MINDY3: variants seen among roughly 807,000 people sequenced by gnomAD.
The protein encoded by MINDY3 is ubiquitin carboxyl-terminal hydrolase MINDY-3.
In MINDY3, 38 loss-of-function variants were observed where a neutral mutation model predicts 69.2. That is an observed-to-expected ratio of 0.55 (90% CI 0.42 to 0.72). MINDY3 has a LOEUF of 0.72. Among genes scored for constraint, MINDY3 ranks in the 30% least tolerant of loss-of-function variants. MINDY3 has a pLI of 0.00. For missense variants in MINDY3, 522 were observed against 519.0 expected (o/e 1.01, Z -0.06); for synonymous variants, 192 against 180.1 (o/e 1.07, Z -0.53).
At chr10:15,821,536 A>G (rs370653091) in intron 9 of MINDY3, 120 bp downstream of exon 9, 56 of 653,676 alleles carry the variant, frequency 8.6e-5, no homozygotes, top group East Asian at 6.7e-4. Context: ...AGGAAGGAAG[A>G]AGAGAGCGGT....
At chr10:15,821,824 C>A in intron 8 of MINDY3, 98 bp from the exon 9 acceptor site, 1 of 905,490 alleles carries the variant, frequency 1.1e-6, no homozygotes, top group Non-Finnish European at 1.7e-6. Flanking sequence ...ATTTATACTA[C>A]ACCAAAACTT....
intron 13 of MINDY3, among the ~76,000 whole-genome samples, chr10:15,782,930 C>A (rs1436054487): frequency 6.6e-6 from 1 of 152,204 alleles, no homozygotes; most frequent in South Asian, 2.1e-4. Context: ...CTTAACCTGG[C>A]GTTCAAGGCC....
chr10:15,782,930 C>T (rs1436054487), intron 13 of MINDY3, among the ~76,000 whole-genome samples: 2 of 152,204 alleles, frequency 1.3e-5, no homozygotes. Flanking sequence ...CTTAACCTGG[C>T]GTTCAAGGCC....
intron 6 of MINDY3, 143 bp downstream of exon 6, chr10:15,837,061 A>T: frequency 1.8e-6 from 1 of 563,304 alleles, no homozygotes; most frequent in South Asian, 2.5e-5. Context: ...CTGAGGAAAC[A>T]GAAATTAACT....
intron 8 of MINDY3, among the ~76,000 whole-genome samples, chr10:15,827,487 G>A (rs1840169723): frequency 6.6e-6 from 1 of 151,958 alleles, no homozygotes. Context: ...AGGTTGCAGT[G>A]AGCCAGGATC....
intron 5 of MINDY3, chr10:15,837,884 C>T (rs1833195468): frequency 2.1e-6 from 2 of 940,802 alleles, no homozygotes; most frequent in Non-Finnish European, 1.3e-6. Flanking sequence ...AAAACAGATA[C>T]TGGCAAATAA....
At chr10:15,835,401 T>C (rs988257794) in intron 6 of MINDY3, among the ~76,000 whole-genome samples, 3 of 152,086 alleles carry the variant, frequency 2.0e-5, no homozygotes, top group African/African-American at 4.8e-5. Flanking sequence ...AGATGATTAA[T>C]TAACAACCAA....
At chr10:15,802,478 T>G (rs1384030312) in intron 10 of MINDY3, among the ~76,000 whole-genome samples, 2 of 151,968 alleles carry the variant, frequency 1.3e-5, no homozygotes, top group Admixed American at 1.3e-4. Flanking sequence ...TCCTGAGAAC[T>G]CACTATCAGA....
At chr10:15,830,053 C>G (rs928898353) in intron 8 of MINDY3, among the ~76,000 whole-genome samples, 2 of 152,140 alleles carry the variant, frequency 1.3e-5, no homozygotes, top group Non-Finnish European at 2.9e-5. Flanking sequence ...TCATTAGATA[C>G]ATGACAGTAA....
chr10:15,850,647 C>A (rs1434398814), intron 1 of MINDY3, among the ~76,000 whole-genome samples: 2 of 152,116 alleles, frequency 1.3e-5, no homozygotes, highest in African/African-American at 2.4e-5. Context: ...GCTCTCAAAC[C>A]CTGTCTCCTG....
At chr10:15,827,537 C>T (rs1051805859) in intron 8 of MINDY3, among the ~76,000 whole-genome samples, 54 of 141,258 alleles carry the variant, frequency 3.8e-4, no homozygotes, top group African/African-American at 1.2e-3. Flanking sequence ...AGTGAGACTC[C>T]GTCTCAATAA....
chr10:15,814,864 CACTA>C (rs905846300), intron 10 of MINDY3, among the ~76,000 whole-genome samples: 9 of 152,278 alleles, frequency 5.9e-5, no homozygotes, highest in African/African-American at 2.2e-4. Context: ...CCCTCAACAT[CACTA>C]ACTTTTTCAG....
At chr10:15,820,043 A>G (rs1839649634) in intron 9 of MINDY3, among the ~76,000 whole-genome samples, 1 of 152,228 alleles carries the variant, frequency 6.6e-6, no homozygotes, top group Admixed American at 6.5e-5. Flanking sequence ...CAGAGTCTAT[A>G]TTCCATTAGG....
intron 6 of MINDY3, 44 bp downstream of exon 6, chr10:15,837,160 A>C: frequency 8.8e-7 from 1 of 1,138,564 alleles, no homozygotes; most frequent in Non-Finnish European, 1.3e-6. Context: ...AACAGCACTG[A>C]ACAACATTAA....
intron 6 of MINDY3, 91 bp from the exon 7 acceptor site, chr10:15,834,707 T>C (rs555923714): frequency 1.1e-5 from 8 of 749,452 alleles, no homozygotes; most frequent in Non-Finnish European, 1.8e-5. Flanking sequence ...TATAAACTAA[T>C]ACAATTATTT....
At chr10:15,858,380 T>G (rs371276727) in intron 1 of MINDY3, among the ~76,000 whole-genome samples, 1 of 152,230 alleles carries the variant, frequency 6.6e-6, no homozygotes, top group Non-Finnish European at 1.5e-5. Context: ...GAATAATGAT[T>G]AGCCATCAAA....
Position 15,860,449 on chromosome 10 carries a change from G to A in MINDY3, c.-150C>T. 1.5e-6 allele frequency: 1 copy of A among 682,940 alleles called. No individual in the cohort carries two copies. Among genetic ancestry groups the A allele is most frequent in the East Asian group, 2.7e-5 (1 of 36,882 alleles). 42.3% of individuals were successfully genotyped at this position (682,940 alleles called of 1,614,324 possible). A position where few individuals can be genotyped will look rare whatever the true frequency, so the allele number is the denominator to read the frequency against. ...AAGAAGAAGGGGCTGAGAGCCACTT[G>A]CAGAGACCAAGCCTGTCAAGCCAGG... On this transcript the variant is annotated 5_prime_UTR_variant, in exon 1 of 15. Coordinates refer to ENST00000277632, the MANE Select transcript of MINDY3 (RefSeq NM_024948.4).
At chr10:15,792,061 A>G (rs1793715785) in intron 11 of MINDY3, among the ~76,000 whole-genome samples, 1 of 152,184 alleles carries the variant, frequency 6.6e-6, no homozygotes, top group South Asian at 2.1e-4. Context: ...TGAGACTAAC[A>G]TTTTCCATAC....
intron 13 of MINDY3, chr10:15,782,476 TA>T (rs1836623233): frequency 2.5e-6 from 1 of 395,430 alleles, no homozygotes; most frequent in Non-Finnish European, 4.4e-6. Context: ...AGAACTAACT[TA>T]TTTTTTTTTT....
Sources: gnomAD v4.1 joint callset for allele counts (sites outside exome capture counted in the v4.1 genomes callset) on GRCh38, gnomAD v4.1.1 for gene constraint, MANE v1.5 for transcripts, NCBI Gene and HGNC (gene_info 2026-07-23, HGNC 2026-07-21) for gene names.